Variants in MTHFD1 observed in about 807,000 individuals in gnomAD.
MTHFD1 encodes methylenetetrahydrofolate dehydrogenase, cyclohydrolase and formyltetrahydrofolate synthetase 1.
A neutral mutation model predicts 110.3 loss-of-function variants in MTHFD1; 44 were observed. The ratio of observed to expected loss-of-function variants is 0.40; its 90% confidence interval spans 0.31 to 0.51. The LOEUF (loss-of-function observed/expected upper bound fraction) is 0.51. Among genes scored for constraint, MTHFD1 ranks in the 20% least tolerant of loss-of-function variants. The pLI is 0.60. For missense variants in MTHFD1, 909 were observed against 1,173.1 expected, an observed-to-expected ratio of 0.77 and a Z score of 3.29; for synonymous variants, 402 against 428.8, an observed-to-expected ratio of 0.94 and a Z score of 0.77.
intron 16 of MTHFD1, among the ~76,000 whole-genome samples, chr14:64,437,350 A>G (rs188841544): frequency 7.2e-5 from 11 of 152,326 alleles, no homozygotes; most frequent in Non-Finnish European, 1.5e-4. Flanking sequence ...TAGTAGGAAT[A>G]TGGATCAATT....
intron 26 of MTHFD1, 183 bp from the exon 27 acceptor site, chr14:64,458,031 C>T (rs1056631584): frequency 9.5e-6 from 6 of 633,816 alleles, no homozygotes; most frequent in Non-Finnish European, 1.7e-5. Context: ...GCTGGAACTA[C>T]AGGCACATGC....
intron 8 of MTHFD1, 119 bp downstream of exon 8, chr14:64,420,044 G>A (rs2078056324): frequency 2.5e-6 from 2 of 788,176 alleles, no homozygotes; most frequent in Non-Finnish European, 4.4e-6. Flanking sequence ...AGGTTTAGGA[G>A]ACTGACTAGC....
chr14:64,437,427 A>C (rs2078214838), intron 16 of MTHFD1, among the ~76,000 whole-genome samples: 1 of 152,004 alleles, frequency 6.6e-6, no homozygotes, highest in East Asian at 1.9e-4. Flanking sequence ...TTTCCTCTCT[A>C]TACTCATAGT....
chr14:64,456,027 ATG>A (rs2078467337), intron 26 of MTHFD1, among the ~76,000 whole-genome samples: 1 of 152,214 alleles, frequency 6.6e-6, no homozygotes, highest in Non-Finnish European at 1.5e-5. Flanking sequence ...GTGCAGAAAT[ATG>A]TGTTGTTCTT....
In MTHFD1 at chr14:64,441,667, A is replaced by G. The variant is rs564534278; in HGVS notation, c.1884+214A>G. Reference sequence around the variant, plus strand: ...TAAAAATACAAAAAATTAGCCGGGCATGGTGGCGGGCGCCTGTAGTCCCAG... The same window carrying G: ...TAAAAATACAAAAAATTAGCCGGGCGTGGTGGCGGGCGCCTGTAGTCCCAG... On this transcript the variant is annotated intron_variant, in intron 19 of 27. Coordinates refer to ENST00000652337, the MANE Select transcript of MTHFD1 (RefSeq NM_005956.4). 599 of 573,264 alleles carry G rather than the reference A, an allele frequency of 1.0e-3. 3 individuals carry two copies. Among genetic ancestry groups the G allele is most frequent in the East Asian group, 7.5e-3 (232 of 31,024 alleles). 35.5% of individuals were successfully genotyped at this position (573,264 alleles called of 1,614,324 possible). A position where few individuals can be genotyped will look rare whatever the true frequency, so the allele number is the denominator to read the frequency against.
intron 1 of MTHFD1, among the ~76,000 whole-genome samples, chr14:64,396,575 T>C (rs75413878): frequency 1.3e-5 from 2 of 149,630 alleles, no homozygotes; most frequent in African/African-American, 4.9e-5. Context: ...TTTTTTTTTT[T>C]TGTATTTTTA....
intron 1 of MTHFD1, among the ~76,000 whole-genome samples, chr14:64,397,150 T>A (rs1566553052): frequency 4.4e-3 from 30 of 6,892 alleles, no homozygotes; most frequent in African/African-American, 9.9e-3. Context: ...TATATATATA[T>A]ATATATATAT....
chr14:64,445,851 T>G (rs2078286032), intron 22 of MTHFD1, among the ~76,000 whole-genome samples: 1 of 152,346 alleles, frequency 6.6e-6, no homozygotes, highest in Admixed American at 6.5e-5. Context: ...CGTTACATAT[T>G]AATTGGTTTT....
intron 26 of MTHFD1, chr14:64,455,165 C>T: frequency 2.4e-6 from 1 of 417,224 alleles, no homozygotes. Flanking sequence ...AGGATGAGCC[C>T]AGTTGATAGG....
In MTHFD1 at chr14:64,425,802, C is replaced by T. The variant is rs2078114288; in HGVS notation, c.928C>T (p.Leu310Phe). 6.2e-7 allele frequency: 1 copy of T among 1,613,822 alleles called. No homozygotes were observed. The highest frequency in any genetic ancestry group is 8.5e-7 in the Non-Finnish European group (1 of 1,179,892). The change falls in exon 10 of 28, where the codon CTT becomes TTT. Residue 310 changes from leucine (L) to phenylalanine (F), a missense_variant. Leu to Phe is a conservative substitution (Grantham distance 22). Coordinates refer to ENST00000652337, the MANE Select transcript of MTHFD1 (RefSeq NM_005956.4). ...PGKWMIQYNN[L>F]NLKTPVPSDI... ...AAAGTGGATGATTCAGTATAACAAC[C>T]TTAACCTCAAGACACCTGTTCCAAG...
chr14:64,417,299 G>C lies in MTHFD1; in HGVS notation c.479-589G>C, dbSNP rs1467473135. Among the ~76,000 whole-genome samples the C allele has an allele frequency of 2.6e-5, 4 of 152,180 alleles. No individual in the cohort carries two copies. The highest frequency in any genetic ancestry group is 2.6e-4 in the Admixed American group (4 of 15,276). On this transcript the variant is annotated intron_variant, in intron 6 of 27. Transcript: ENST00000652337. The surrounding 1 kb of genome is among the most constrained non-coding windows in gnomAD (Gnocchi z 4.4). ...GCCCTGAAAAGGACATTGGTATATT[G>C]CCAGAAAAATGGATGCTGTGATAGC... is the stretch of plus-strand genomic sequence containing the variant.
At chr14:64,456,133 T>C (rs1181370125) in intron 26 of MTHFD1, among the ~76,000 whole-genome samples, 1 of 152,174 alleles carries the variant, frequency 6.6e-6, no homozygotes, top group Admixed American at 6.5e-5. Context: ...AGGGTAACAG[T>C]AGAGGTGAAA....
intron 11 of MTHFD1, among the ~76,000 whole-genome samples, 162 bp from the exon 12 acceptor site, chr14:64,427,175 C>T (rs1313653233): frequency 6.6e-6 from 1 of 152,088 alleles, no homozygotes; most frequent in Non-Finnish European, 1.5e-5. Flanking sequence ...CTTGCCTCAG[C>T]CTCCTATATA....
At chr14:64,456,434 G>A (rs773170214) in intron 26 of MTHFD1, among the ~76,000 whole-genome samples, 10 of 152,122 alleles carry the variant, frequency 6.6e-5, no homozygotes, top group African/African-American at 1.2e-4. Flanking sequence ...ATACATGTGC[G>A]TACACATAAT....
At chr14:64,457,029 G>A (rs1035607382) in intron 26 of MTHFD1, among the ~76,000 whole-genome samples, 8 of 152,152 alleles carry the variant, frequency 5.3e-5, no homozygotes, top group African/African-American at 7.2e-5. Flanking sequence ...TGTCAAAGCC[G>A]AGTCTTTAGA....
At chr14:64,432,649 A>G (rs768239918) in intron 15 of MTHFD1, among the ~76,000 whole-genome samples, 2 of 152,268 alleles carry the variant, frequency 1.3e-5, no homozygotes, top group Admixed American at 6.5e-5. Flanking sequence ...GATATTCTCA[A>G]TAAGAGAAAA....
chr14:64,412,629 C>A, intron 4 of MTHFD1, 104 bp downstream of exon 4: 1 of 686,862 alleles, frequency 1.5e-6, no homozygotes, highest in Non-Finnish European at 2.4e-6. Flanking sequence ...CCAAGACCTC[C>A]AGGTATTTTT....
At chr14:64,405,750 C>T (rs1455336475) in intron 2 of MTHFD1, among the ~76,000 whole-genome samples, 1 of 152,114 alleles carries the variant, frequency 6.6e-6, no homozygotes, top group Non-Finnish European at 1.5e-5. Context: ...CCTGTCTGTC[C>T]TCCTGACTGC....
At chr14:64,453,360 T>C (rs2078408103) in intron 24 of MTHFD1, among the ~76,000 whole-genome samples, 1 of 151,916 alleles carries the variant, frequency 6.6e-6, no homozygotes, top group Non-Finnish European at 1.5e-5. Flanking sequence ...TCACCTGAGG[T>C]TGGGAGTTCA....
Sources: gnomAD v4.1 joint callset for allele counts (sites outside exome capture counted in the v4.1 genomes callset) on GRCh38, gnomAD v4.1.1 for gene constraint, Gnocchi (gnomAD v3.1) non-coding constraint, MANE v1.5 for transcripts, NCBI Gene and HGNC (gene_info 2026-07-23, HGNC 2026-07-21) for gene names.